Variants in FOXP1 observed in about 807,000 individuals in gnomAD.
FOXP1 encodes the protein forkhead box P1.
In FOXP1, 15 loss-of-function variants were observed where a neutral mutation model predicts 98.2. The ratio of observed to expected loss-of-function variants is 0.15; its 90% CI spans 0.10 to 0.24. The LOEUF (loss-of-function observed/expected upper bound fraction) is 0.24, where lower values mean the gene tolerates loss of function less well. FOXP1 is among the 10% of genes least tolerant of loss of function. The probability of loss-of-function intolerance (pLI) is 1.00; values close to 1 mark genes in which losing one functional copy is unlikely to be tolerated. For synonymous variants in FOXP1, 371 were observed against 314.5 expected, an observed-to-expected ratio of 1.18 and a Z score of -1.90; for missense variants, 633 against 848.5, an observed-to-expected ratio of 0.75 and a Z score of 3.15.
intron 3 of FOXP1, among the ~76,000 whole-genome samples, chr3:71,449,763 C>A (rs1312635147): frequency 1.3e-5 from 2 of 152,130 alleles, no homozygotes; most frequent in African/African-American, 4.8e-5. Flanking sequence ...TCTGACCACT[C>A]GAATTGAGGA....
At chr3:71,128,262 A>AT (rs1301471336) in intron 6 of FOXP1, among the ~76,000 whole-genome samples, 3 of 151,856 alleles carry the variant, frequency 2.0e-5, no homozygotes, top group Non-Finnish European at 4.4e-5. Context: ...GAATGCCTAC[A>AT]TATTAAGAAT....
intron 3 of FOXP1, among the ~76,000 whole-genome samples, chr3:71,368,106 T>G (rs1052580635): frequency 2.6e-5 from 4 of 152,060 alleles, no homozygotes; most frequent in African/African-American, 9.7e-5. Flanking sequence ...TGGGATTTAT[T>G]TATTTAATTT....
intron 16 of FOXP1, 76 bp downstream of exon 16, chr3:70,977,567 A>T (rs1272383918): frequency 7.7e-7 from 1 of 1,298,608 alleles, no homozygotes; most frequent in South Asian, 1.2e-5. Context: ...ACGGTTTTTA[A>T]ATCTACTTCA....
chr3:71,554,478 T>C (rs2045984657), intron 2 of FOXP1, among the ~76,000 whole-genome samples: 1 of 152,202 alleles, frequency 6.6e-6, no homozygotes, highest in Non-Finnish European at 1.5e-5. Flanking sequence ...GTTAGATGCT[T>C]TACCTTCAAC....
At chr3:71,384,952 C>A (rs1163216619) in intron 3 of FOXP1, among the ~76,000 whole-genome samples, 1 of 152,108 alleles carries the variant, frequency 6.6e-6, no homozygotes, top group Admixed American at 6.5e-5. Context: ...ACTCTCTCAG[C>A]CCTTCAATCA....
intron 4 of FOXP1, among the ~76,000 whole-genome samples, chr3:71,306,915 C>T (rs930814917): frequency 6.6e-6 from 1 of 152,114 alleles, no homozygotes; most frequent in African/African-American, 2.4e-5. Context: ...ATAATTTGTC[C>T]TTACAACCCA....
At chr3:71,495,653 A>T (rs1394916343) in intron 2 of FOXP1, among the ~76,000 whole-genome samples, 1 of 152,206 alleles carries the variant, frequency 6.6e-6, no homozygotes, top group African/African-American at 2.4e-5. Context: ...TTATTATTTT[A>T]AACTCAATAT....
chr3:71,341,573 C>A (rs2077010647), intron 4 of FOXP1, among the ~76,000 whole-genome samples: 1 of 152,048 alleles, frequency 6.6e-6, no homozygotes, highest in Non-Finnish European at 1.5e-5. Flanking sequence ...GTTCGACCAG[C>A]CTGTAATCCC....
At chr3:71,274,141 C>CTTT (rs764089605) in intron 5 of FOXP1, among the ~76,000 whole-genome samples, 4 of 152,178 alleles carry the variant, frequency 2.6e-5, no homozygotes, top group Non-Finnish European at 5.9e-5. Flanking sequence ...GCACCAGTGC[C>CTTT]TTGTCTACCA....
intron 2 of FOXP1, among the ~76,000 whole-genome samples, chr3:71,499,398 TAC>T (rs1207825916): frequency 1.3e-5 from 2 of 152,240 alleles, no homozygotes; most frequent in Non-Finnish European, 2.9e-5. Flanking sequence ...GGCAATTTTA[TAC>T]ACACACATAA....
At chr3:71,245,845 C>T (rs1347516168) in intron 5 of FOXP1, among the ~76,000 whole-genome samples, 1 of 147,112 alleles carries the variant, frequency 6.8e-6, no homozygotes, top group African/African-American at 2.5e-5. Flanking sequence ...ATACTGTTGT[C>T]AAATCATCCT....
intron 3 of FOXP1, among the ~76,000 whole-genome samples, chr3:71,474,904 A>G (rs1006184724): frequency 1.3e-5 from 2 of 152,108 alleles, no homozygotes; most frequent in African/African-American, 2.4e-5. Context: ...ACCGTCTCCC[A>G]TGATTCTGGT....
chr3:71,353,475 G>GT (rs993437932), intron 4 of FOXP1, among the ~76,000 whole-genome samples: 16 of 150,856 alleles, frequency 1.1e-4, no homozygotes, highest in South Asian at 2.1e-4. Flanking sequence ...TCTAACCAAT[G>GT]TTTTTTTTTC....
At chr3:71,189,098 G>A (rs2062820086) in intron 6 of FOXP1, among the ~76,000 whole-genome samples, 1 of 152,104 alleles carries the variant, frequency 6.6e-6, no homozygotes, top group African/African-American at 2.4e-5. Flanking sequence ...ATGTCCCCAG[G>A]CAGTTTAATC....
At chr3:71,374,308 T>A (rs761832816) in intron 3 of FOXP1, among the ~76,000 whole-genome samples, 5 of 152,166 alleles carry the variant, frequency 3.3e-5, no homozygotes, top group Non-Finnish European at 5.9e-5. Flanking sequence ...AAAACCTACA[T>A]CTGGGCCATG....
intron 2 of FOXP1, among the ~76,000 whole-genome samples, chr3:71,559,854 C>T (rs938091741): frequency 7.3e-5 from 11 of 149,904 alleles, no homozygotes; most frequent in African/African-American, 2.7e-4. Context: ...CTGGGGGCTG[C>T]TGGGGGTTGC....
At chr3:71,046,743 C>T (rs1054422159) in intron 10 of FOXP1, among the ~76,000 whole-genome samples, 199 bp downstream of exon 10, 1 of 152,160 alleles carries the variant, frequency 6.6e-6, no homozygotes, top group African/African-American at 2.4e-5. Flanking sequence ...AGCCTTCAGA[C>T]CACCCTGAGA....
chr3:70,966,941 G>A (rs2034921078), intron 19 of FOXP1, among the ~76,000 whole-genome samples: 1 of 152,170 alleles, frequency 6.6e-6, no homozygotes, highest in African/African-American at 2.4e-5. Flanking sequence ...ATATACCACT[G>A]GACTAAGTAA....
At chr3:70,961,054 G>T (rs553294475) in intron 20 of FOXP1, among the ~76,000 whole-genome samples, 1 of 151,642 alleles carries the variant, frequency 6.6e-6, no homozygotes. Flanking sequence ...CCGTGGTCTC[G>T]ATCTCCTGAC....
Sources: gnomAD v4.1 joint callset for allele counts (sites outside exome capture counted in the v4.1 genomes callset) on GRCh38, gnomAD v4.1.1 for gene constraint, MANE v1.5 for transcripts, NCBI Gene and HGNC (gene_info 2026-07-23, HGNC 2026-07-21) for gene names.